The following FKBP5 variants were observed in gnomAD, a reference collection of about 807,000 sequenced individuals.
FKBP5 encodes the protein FKBP prolyl isomerase 5, also known as peptidyl-prolyl cis-trans isomerase FKBP5.
FKBP5 carries 23 observed loss-of-function variants against 50.5 expected under a neutral mutation model. The observed-to-expected ratio is 0.46, with a 90% CI of 0.33 to 0.65. FKBP5 has a LOEUF of 0.65. Among genes scored for constraint, FKBP5 ranks in the 30% least tolerant of loss-of-function variants. FKBP5 has a pLI of 0.02. For missense variants in FKBP5, 411 were observed against 553.1 expected, an observed-to-expected ratio of 0.74 and a Z score of 2.58; for synonymous variants, 176 against 190.6, an observed-to-expected ratio of 0.92 and a Z score of 0.63.
intron 1 of FKBP5, among the ~76,000 whole-genome samples, chr6:35,687,020 A>G (rs1765845688): frequency 6.6e-6 from 1 of 152,232 alleles, no homozygotes; most frequent in African/African-American, 2.4e-5. Flanking sequence ...TGATGGTTCA[A>G]TGGCGAACTC....
rs563464788 is a variant in FKBP5, at chr6:35,660,557, C to T, written c.-19-17714G>A. On this transcript the variant is annotated intron_variant, in intron 1 of 10. Transcript: ENST00000357266. ...TGCTGGGATTACAGGCATGAGCTAC[C>T]GCGCCTGGCCAACACTGACACTATT... is the stretch of plus-strand genomic sequence containing the variant. Among the ~76,000 whole-genome samples the T allele has an allele frequency of 4.8e-5, 4 of 82,704 alleles. 2 individuals are homozygous for T. Among genetic ancestry groups the T allele is most frequent in the Non-Finnish European group, 1.1e-4 (4 of 36,238 alleles). The allele number at this position is 82,704 out of a possible 152,430, so 54.3% of individuals were successfully genotyped here. A position where few individuals can be genotyped will look rare whatever the true frequency, so the allele number is the denominator to read the frequency against.
intron 2 of FKBP5, 54 bp from the exon 3 acceptor site, chr6:35,637,212 G>A: frequency 6.5e-7 from 1 of 1,543,234 alleles, no homozygotes; most frequent in East Asian, 2.3e-5. Flanking sequence ...CTTGTAATCA[G>A]AGAATAAAAA....
At chr6:35,674,388 T>G (rs1246626761) in intron 1 of FKBP5, among the ~76,000 whole-genome samples, 2 of 151,848 alleles carry the variant, frequency 1.3e-5, no homozygotes, top group Non-Finnish European at 2.9e-5. Flanking sequence ...AACCCAAGAG[T>G]CTTTCCAAGT....
chr6:35,700,655 C>G (rs1254833436), intron 2 of FKBP5, among the ~76,000 whole-genome samples: 1 of 152,056 alleles, frequency 6.6e-6, no homozygotes, highest in Non-Finnish European at 1.5e-5. Context: ...GGTAGAGTTG[C>G]CACATTTAAT....
intron 2 of FKBP5, among the ~76,000 whole-genome samples, chr6:35,712,944 G>C (rs936866943): frequency 6.6e-6 from 1 of 152,048 alleles, no homozygotes; most frequent in Middle Eastern, 3.4e-3. Context: ...AGGTGTGGTG[G>C]TGGGTGCCTG....
At chr6:35,717,833 C>T (rs1766539930) in intron 2 of FKBP5, among the ~76,000 whole-genome samples, 1 of 152,208 alleles carries the variant, frequency 6.6e-6, no homozygotes, top group Admixed American at 6.5e-5. Context: ...CAGAAGTGCC[C>T]AGGTTTGATG....
chr6:35,662,754 T>A (rs768292795), intron 1 of FKBP5, among the ~76,000 whole-genome samples: 1 of 152,240 alleles, frequency 6.6e-6, no homozygotes, highest in Non-Finnish European at 1.5e-5. Flanking sequence ...TCATTTTTGC[T>A]GCTTTTGGCC....
intron 1 of FKBP5, among the ~76,000 whole-genome samples, chr6:35,671,928 G>C (rs1347842504): frequency 6.6e-6 from 1 of 151,906 alleles, no homozygotes; most frequent in African/African-American, 2.4e-5. Flanking sequence ...GAGTGCAGTG[G>C]CGCGATCTCG....
chr6:35,641,099 C>T (rs1179420007), intron 2 of FKBP5, among the ~76,000 whole-genome samples: 1 of 152,182 alleles, frequency 6.6e-6, no homozygotes, highest in Non-Finnish European at 1.5e-5. Context: ...CTGCCTCAGT[C>T]TCCTGAGTAG....
intron 2 of FKBP5, among the ~76,000 whole-genome samples, chr6:35,641,103 T>G (rs574101966): frequency 1.3e-5 from 2 of 152,198 alleles, no homozygotes; most frequent in South Asian, 4.1e-4. Context: ...CTCAGTCTCC[T>G]GAGTAGTAGA....
rs547778666 is a variant in FKBP5 at position 35,579,166 on chromosome 6, T to A, written c.1026+870A>T. Among the ~76,000 whole-genome samples, 36 of 120,170 alleles carry A rather than the reference T, an allele frequency of 3.0e-4. 1 individual carries two copies. The highest frequency in any genetic ancestry group is 4.3e-3 in the Middle Eastern group (1 of 230). 78.8% of individuals were successfully genotyped at this position (120,170 alleles called of 152,430 possible). A position where few individuals can be genotyped will look rare whatever the true frequency, so the allele number is the denominator to read the frequency against. On this transcript the variant is annotated intron_variant, in intron 9 of 10. Transcript: ENST00000357266. ...CACACACACGCGCGCGCGCACACAC[T>A]CTCTCTCTCTCTCTCTCCGCTCTGT...
In FKBP5 at chr6:35,596,402, A is replaced by C. The variant is rs140949068; in HGVS notation, c.665+846T>G. On this transcript the variant is annotated intron_variant, in intron 6 of 10. Transcript: ENST00000357266. ...GGATCAAGTGCTGGGGCAAAGGTAA[A>C]CTGCCATTGGATTACTACAGAGTCT... is the stretch of plus-strand genomic sequence containing the variant. Among the ~76,000 whole-genome samples, 691 of 152,202 alleles carry C rather than the reference A, an allele frequency of 4.5e-3. 17 individuals are homozygous for C. The East Asian group carries it at 0.048, about 11-fold the overall frequency.
At chr6:35,614,988 T>G (rs1763600240) in intron 5 of FKBP5, among the ~76,000 whole-genome samples, 1 of 151,794 alleles carries the variant, frequency 6.6e-6, no homozygotes, top group African/African-American at 2.4e-5. Flanking sequence ...CTGGGCGTGG[T>G]GGCAGGCACC....
At chr6:35,631,408 T>C (rs1409865051) in intron 3 of FKBP5, among the ~76,000 whole-genome samples, 1 of 152,202 alleles carries the variant, frequency 6.6e-6, no homozygotes, top group East Asian at 1.9e-4. Flanking sequence ...AGTGACTGCC[T>C]GGGGCTCAGG....
At chr6:35,692,225 C>T (rs1227309755), upstream of FKBP5, among the ~76,000 whole-genome samples, 1 of 152,186 alleles carries the variant, frequency 6.6e-6, no homozygotes, top group Non-Finnish European at 1.5e-5. Context: ...AGAGACCCTC[C>T]CACCTTGGCC....
chr6:35,575,818 C>A lies in FKBP5; in HGVS notation c.*17G>T. 6.4e-7 allele frequency: 1 copy of A among 1,554,632 alleles called. No homozygotes were observed. The highest frequency in any genetic ancestry group is 8.9e-7 in the Non-Finnish European group (1 of 1,125,784). ...AGGGGCCGAGTTCACTGGGACTCTT[C>A]CCTCCTTGGCGTGGCGTCATACGTG... On this transcript the variant is annotated 3_prime_UTR_variant, in exon 11 of 11. Transcript: ENST00000357266.
chr6:35,703,037 G>T (rs182977381), intron 2 of FKBP5, among the ~76,000 whole-genome samples: 1 of 152,146 alleles, frequency 6.6e-6, no homozygotes, highest in African/African-American at 2.4e-5. Context: ...ATCACCTGAG[G>T]TCAGGAGTTC....
chr6:35,644,887 TCA>T (rs900942287), intron 1 of FKBP5, among the ~76,000 whole-genome samples: 5 of 152,272 alleles, frequency 3.3e-5, no homozygotes, highest in African/African-American at 9.6e-5. Context: ...TCCTGGGGAT[TCA>T]CAGAGATGCT....
chr6:35,688,120 T>A (rs1765887082), intron 1 of FKBP5, among the ~76,000 whole-genome samples: 1 of 152,208 alleles, frequency 6.6e-6, no homozygotes, highest in African/African-American at 2.4e-5. Context: ...CGCGGACTCC[T>A]CCACAAGCGG....
Sources: gnomAD v4.1 joint callset for allele counts (sites outside exome capture counted in the v4.1 genomes callset) on GRCh38, gnomAD v4.1.1 for gene constraint, MANE v1.5 for transcripts, NCBI Gene and HGNC (gene_info 2026-07-23, HGNC 2026-07-21) for gene names.